The following KYNU variants were observed in gnomAD, a reference collection of about 807,000 sequenced individuals.
The protein encoded by KYNU is kynureninase, also known as L-kynurenine hydrolase.
KYNU carries 54 observed loss-of-function variants against 59.2 expected under a neutral mutation model. The observed-to-expected ratio is 0.91, with a 90% CI of 0.73 to 1.14. The LOEUF (loss-of-function observed/expected upper bound fraction) is 1.14, where lower values mean the gene tolerates loss of function less well. Ranked by LOEUF, KYNU falls within the 50% of genes most tolerant of loss-of-function variation. The pLI is 0.00. For synonymous variants in KYNU, 177 were observed against 192.0 expected, an observed-to-expected ratio of 0.92 and a Z score of 0.65; for missense variants, 567 against 554.4, an observed-to-expected ratio of 1.02 and a Z score of -0.23.
intron 2 of KYNU, among the ~76,000 whole-genome samples, chr2:142,895,768 T>C (rs1221797149): frequency 6.6e-6 from 1 of 152,184 alleles, no homozygotes; most frequent in African/African-American, 2.4e-5. Context: ...CACTGCAGCC[T>C]TGATCTCCCT....
At chr2:142,906,238 A>G (rs1682293441) in intron 2 of KYNU, among the ~76,000 whole-genome samples, 1 of 152,112 alleles carries the variant, frequency 6.6e-6, no homozygotes, top group Non-Finnish European at 1.5e-5. Flanking sequence ...ATCCTGATCT[A>G]TTATGTTGTT....
intron 4 of KYNU, among the ~76,000 whole-genome samples, chr2:142,936,314 A>G (rs1314851559): frequency 6.6e-6 from 1 of 152,146 alleles, no homozygotes; most frequent in Non-Finnish European, 1.5e-5. Context: ...GGCCATTTAG[A>G]TGCATTGTTT....
intron 10 of KYNU, among the ~76,000 whole-genome samples, chr2:143,014,879 G>A (rs1226939247): frequency 6.6e-6 from 1 of 152,084 alleles, no homozygotes; most frequent in African/African-American, 2.4e-5. Context: ...AAACTCATCA[G>A]GTGTTTGTTT....
chr2:142,918,722 GC>G lies in KYNU; in HGVS notation c.285del (p.Ile97Ter), dbSNP rs766154133. The G allele has an allele frequency of 1.2e-6, 2 of 1,610,936 alleles. No homozygotes were observed. The highest frequency in any genetic ancestry group is 8.5e-7 in the Non-Finnish European group (1 of 1,178,056). ...TYLEEELDKWAKIAAYGHEVG... is the reference protein window; with the variant it reads ...TYLEEELDKWXKIAAYGHEVG... ...TCTTGAAGAAGAACTAGATAAGTGGGCCAAAATGTAAGTATTATTTTAAAAG... is the reference window on the plus strand; with the variant it reads ...TCTTGAAGAAGAACTAGATAAGTGGGCAAAATGTAAGTATTATTTTAAAAG... On this transcript the variant is annotated frameshift_variant, in exon 3 of 14. Coordinates refer to ENST00000264170, the MANE Select transcript of KYNU (RefSeq NM_003937.3). LOFTEE classifies it high-confidence loss of function.
At chr2:142,922,076 G>T (rs1345409861) in intron 3 of KYNU, among the ~76,000 whole-genome samples, 1 of 152,136 alleles carries the variant, frequency 6.6e-6, no homozygotes, top group Non-Finnish European at 1.5e-5. Flanking sequence ...CTCAAGCCAG[G>T]TCAGTGACTC....
chr2:143,009,860 A>G (rs1322815472), intron 10 of KYNU, among the ~76,000 whole-genome samples: 2 of 120,236 alleles, frequency 1.7e-5, no homozygotes, highest in Non-Finnish European at 3.3e-5. Flanking sequence ...AAATTCAACA[A>G]CCCTTCATGC....
chr2:142,927,868 A>G, intron 4 of KYNU, 127 bp downstream of exon 4: 2 of 686,480 alleles, frequency 2.9e-6, no homozygotes, highest in East Asian at 2.7e-5. Flanking sequence ...AATCTATAAT[A>G]GTAAAAAGGA....
Position 143,046,252 on chromosome 2 carries a change from A to G in KYNU, c.*4080A>G, listed in dbSNP as rs1441127545. The G allele has an allele frequency of 6.6e-6, 1 of 152,072 alleles. No individual in the cohort carries two copies. The highest frequency in any genetic ancestry group is 1.5e-5 in the Non-Finnish European group (1 of 68,016). 9.4% of individuals were successfully genotyped at this position (152,072 alleles called of 1,614,324 possible). On this transcript the variant is annotated 3_prime_UTR_variant, in exon 14 of 14. Transcript: ENST00000264170. ...ATGTACCCATAAAAATCTATTAGCT[A>G]ATTTTGGTTGTGCATGAATATTGTA...
At chr2:142,977,371 G>GTATATATATATATATATATA (rs1405270373) in intron 8 of KYNU, among the ~76,000 whole-genome samples, 1 of 75,244 alleles carries the variant, frequency 1.3e-5, no homozygotes, top group Non-Finnish European at 2.7e-5. Flanking sequence ...AATTTTGTGT[G>GTATATATATATATATATATA]GATATATATA....
At chr2:142,956,840 A>G (rs1256417844) in intron 6 of KYNU, among the ~76,000 whole-genome samples, 1 of 152,170 alleles carries the variant, frequency 6.6e-6, no homozygotes, top group African/African-American at 2.4e-5. Context: ...AGACACAAAC[A>G]CAAATAAAAG....
intron 2 of KYNU, among the ~76,000 whole-genome samples, chr2:142,887,043 G>A (rs897397421): frequency 3.3e-5 from 5 of 151,906 alleles, no homozygotes; most frequent in East Asian, 1.9e-4. Context: ...AGTGGCGGGC[G>A]CCTGTAGTCC....
intron 10 of KYNU, among the ~76,000 whole-genome samples, chr2:143,012,063 TA>T (rs761883397): frequency 0.056 from 7,086 of 126,676 alleles, 474 homozygotes; most frequent in African/African-American, 0.18. Flanking sequence ...TAAAGTATAA[TA>T]AAAAAAAAAA....
At chr2:143,006,656 G>C (rs915695116) in intron 10 of KYNU, among the ~76,000 whole-genome samples, 6 of 150,338 alleles carry the variant, frequency 4.0e-5, no homozygotes, top group Non-Finnish European at 8.9e-5. Flanking sequence ...AAATGTCCCT[G>C]TCTGACAGCT....
intron 10 of KYNU, among the ~76,000 whole-genome samples, chr2:142,986,834 A>G (rs1384716278): frequency 6.6e-6 from 1 of 151,868 alleles, no homozygotes; most frequent in Non-Finnish European, 1.5e-5. Flanking sequence ...TTCCTCAGCC[A>G]CTGACTGAGT....
At chr2:142,960,817 T>G (rs747272048) in intron 8 of KYNU, 47 bp downstream of exon 8, 1 of 1,580,590 alleles carries the variant, frequency 6.3e-7, no homozygotes, top group South Asian at 1.1e-5. Context: ...AACATCACTC[T>G]ACTTAAGAGT....
Position 142,954,817 on chromosome 2 carries a change from T to C in KYNU, c.381T>C (p.Asn127=). The C allele has an allele frequency of 1.3e-6, 2 of 1,597,370 alleles. No individual in the cohort carries two copies. Among genetic ancestry groups the C allele is most frequent in the East Asian group, 4.5e-5 (2 of 44,624 alleles). The change falls in exon 5 of 14, where the codon AAT becomes AAC. Residue 127 remains asparagine, a synonymous_variant. Transcript: ENST00000264170. ...VGLMKDIVGA[N]EKEIALMNAL... Reference sequence around the variant, plus strand: ...GATATGTTTATTTTACAGGAGCCAATGAGAAAGAAATAGCCCTAATGAATG... The same window carrying C: ...GATATGTTTATTTTACAGGAGCCAACGAGAAAGAAATAGCCCTAATGAATG...
intron 10 of KYNU, among the ~76,000 whole-genome samples, chr2:142,991,110 CA>C (rs1443836302): frequency 3.3e-5 from 5 of 151,926 alleles, no homozygotes; most frequent in African/African-American, 1.2e-4. Flanking sequence ...ATGCTTGTCC[CA>C]ACTGTACAGT....
At chr2:142,972,345 A>G (rs1427093589) in intron 8 of KYNU, among the ~76,000 whole-genome samples, 1 of 152,026 alleles carries the variant, frequency 6.6e-6, no homozygotes, top group Admixed American at 6.6e-5. Flanking sequence ...TACCTTCTCA[A>G]TTCACACCTT....
At chr2:143,009,094 C>A in intron 10 of KYNU, among the ~76,000 whole-genome samples, 2 of 118,824 alleles carry the variant, frequency 1.7e-5, no homozygotes, top group African/African-American at 7.3e-5. Flanking sequence ...CACAAAAAAC[C>A]CTTCAAAAAA....
Sources: allele counts gnomAD v4.1 joint callset (sites outside exome capture counted in the v4.1 genomes callset), GRCh38; gene constraint gnomAD v4.1.1; transcripts MANE v1.5; gene names NCBI Gene and HGNC (gene_info 2026-07-23, HGNC 2026-07-21).